Variants in DEFB4A observed in about 807,000 individuals in gnomAD.
DEFB4A encodes beta defensin-2.
At position 7,895,307 on chromosome 8, in the gene DEFB4A, G is replaced by C. The variant is rs1315312915; in HGVS notation, c.58+537G>C. Among the ~76,000 whole-genome samples, 2 of 100,580 alleles carry C rather than the reference G, an allele frequency of 2.0e-5. 1 individual carries two copies. The highest frequency in any genetic ancestry group is 8.1e-4 in the East Asian group (2 of 2,456). 66.0% of individuals were successfully genotyped at this position (100,580 alleles called of 152,430 possible). On this transcript the variant is annotated intron_variant, in intron 1 of 1. Transcript: ENST00000302247. ...TTTTCTAAATTTTTATATTTAAAGA[G>C]TAGATACTGCAACCTAGAGAATTCC...
rs1368127392 is a variant in DEFB4A, at chr8:7,896,044, T to G, written c.59-430T>G. Reference sequence around the variant, plus strand: ...TGCATCTTTTTTATCCCATCTCAGATCAAATACTTAACAGACTAAATGATT... The same window carrying G: ...TGCATCTTTTTTATCCCATCTCAGAGCAAATACTTAACAGACTAAATGATT... On this transcript the variant is annotated intron_variant, in intron 1 of 1. Transcript: ENST00000302247. Among the ~76,000 whole-genome samples, 10 of 103,742 alleles carry G rather than the reference T, an allele frequency of 9.6e-5. 3 individuals carry two copies. The highest frequency in any genetic ancestry group is 2.8e-4 in the African/African-American group (8 of 29,028). 68.1% of individuals were successfully genotyped at this position (103,742 alleles called of 152,430 possible). A position where few individuals can be genotyped will look rare whatever the true frequency, so the allele number is the denominator to read the frequency against.
At chr8:7,895,820 AGGG>A (rs1818997531) in intron 1 of DEFB4A, among the ~76,000 whole-genome samples, 1 of 29,662 alleles carries the variant, frequency 3.4e-5, no homozygotes, top group African/African-American at 1.3e-4. Flanking sequence ...GGAGGGAGGG[AGGG>A]AAGGAGGGAA....
chr8:7,896,083 G>C lies in DEFB4A; in HGVS notation c.59-391G>C, dbSNP rs1355581809. Among the ~76,000 whole-genome samples, 8 of 102,384 alleles carry C rather than the reference G, an allele frequency of 7.8e-5. 3 individuals are homozygous for C. The highest frequency in any genetic ancestry group is 2.1e-4 in the African/African-American group (6 of 28,832). 67.2% of individuals were successfully genotyped at this position (102,384 alleles called of 152,430 possible). A position where few individuals can be genotyped will look rare whatever the true frequency, so the allele number is the denominator to read the frequency against. The stretch of plus-strand genomic sequence containing the variant: ...GACTAAATGATTTGAAAAAGCAAAA[G>C]TTTACTGGCTTGTGTGTGTTAAAAT... On this transcript the variant is annotated intron_variant, in intron 1 of 1. Coordinates refer to ENST00000302247, the MANE Select transcript of DEFB4A (RefSeq NM_004942.4).
intron 1 of DEFB4A, among the ~76,000 whole-genome samples, chr8:7,895,757 G>A (rs1818995401): frequency 1.4e-5 from 1 of 70,622 alleles, no homozygotes; most frequent in African/African-American, 5.4e-5. Context: ...ACAGTATAAT[G>A]AAGGAAGGCG....
chr8:7,895,833 AGGAGGGAGGGAG>A (rs1354417161), intron 1 of DEFB4A, among the ~76,000 whole-genome samples: 1 of 27,462 alleles, frequency 3.6e-5, no homozygotes, highest in African/African-American at 1.4e-4. Context: ...GAAGGAGGGA[AGGAGGGAGGGAG>A]GGAGGGAAGG....
rs1423826421 is a variant in DEFB4A at position 7,895,928 on chromosome 8, A to G, written c.59-546A>G. Among the ~76,000 whole-genome samples, 2 of 97,508 alleles carry G rather than the reference A, an allele frequency of 2.1e-5. 1 individual carries two copies. The highest frequency in any genetic ancestry group is 8.5e-4 in the East Asian group (2 of 2,356). The allele number at this position is 97,508 out of a possible 152,430, so 64.0% of individuals were successfully genotyped here. A position where few individuals can be genotyped will look rare whatever the true frequency, so the allele number is the denominator to read the frequency against. ...AAACCAGGACTTAGATATTAGAAAC[A>G]AGCCATTACAAAATTTATTTCTATG... On this transcript the variant is annotated intron_variant, in intron 1 of 1. Coordinates refer to ENST00000302247, the MANE Select transcript of DEFB4A (RefSeq NM_004942.4).
In DEFB4A at chr8:7,895,870, G is replaced by A. The variant is rs1818999307; in HGVS notation, c.59-604G>A. On this transcript the variant is annotated intron_variant, in intron 1 of 1. Coordinates refer to ENST00000302247, the MANE Select transcript of DEFB4A (RefSeq NM_004942.4). ...GGGAGGGAAGGAGGGAAGGAGGGAG[G>A]GAGGGAGGGAAACAAAAAGAAGAAT... Among the ~76,000 whole-genome samples the A allele has an allele frequency of 3.4e-5, 2 of 58,170 alleles. 1 individual carries two copies. Among genetic ancestry groups the A allele is most frequent in the South Asian group, 2.1e-3 (2 of 966 alleles). 38.2% of individuals were successfully genotyped at this position (58,170 alleles called of 152,430 possible). A position where few individuals can be genotyped will look rare whatever the true frequency, so the allele number is the denominator to read the frequency against.
intron 1 of DEFB4A, among the ~76,000 whole-genome samples, chr8:7,895,154 G>A (rs1208752482): frequency 3.0e-5 from 3 of 101,316 alleles, no homozygotes; most frequent in Admixed American, 2.9e-4. Context: ...CCAGTAGTTT[G>A]TAAATATCAT....
intron 1 of DEFB4A, 138 bp downstream of exon 1, chr8:7,894,908 CT>C: frequency 2.0e-6 from 2 of 1,022,432 alleles, no homozygotes; most frequent in Non-Finnish European, 1.5e-6. Context: ...CCCCTCCATC[CT>C]TTTCTCCTGC....
Position 7,896,040 on chromosome 8 carries a change from C to T in DEFB4A, c.59-434C>T, listed in dbSNP as rs1427976762. ...AAGTTGCATCTTTTTTATCCCATCT[C>T]AGATCAAATACTTAACAGACTAAAT... On this transcript the variant is annotated intron_variant, in intron 1 of 1. Coordinates refer to ENST00000302247, the MANE Select transcript of DEFB4A (RefSeq NM_004942.4). 4.8e-5 allele frequency among the ~76,000 whole-genome samples: 5 copies of T among 103,546 alleles called. 1 individual carries two copies. Among genetic ancestry groups the T allele is most frequent in the Non-Finnish European group, 1.1e-4 (5 of 46,982 alleles). The allele number at this position is 103,546 out of a possible 152,430, so 67.9% of individuals were successfully genotyped here.
chr8:7,895,165 C>A (rs1227363475), intron 1 of DEFB4A, among the ~76,000 whole-genome samples: 1 of 101,336 alleles, frequency 9.9e-6, no homozygotes, highest in Non-Finnish European at 2.1e-5. Flanking sequence ...TAAATATCAT[C>A]TCTTCACTGC....
In DEFB4A at chr8:7,895,247, T is replaced by C. The variant is rs1818989561; in HGVS notation, c.58+477T>C. ...ACTTTTTAAATAAAAGGCAGAAATT[T>C]TGATTTTATCTAAAGAAAGTAGTAT... is the stretch of plus-strand genomic sequence containing the variant. On this transcript the variant is annotated intron_variant, in intron 1 of 1. Coordinates refer to ENST00000302247, the MANE Select transcript of DEFB4A (RefSeq NM_004942.4). Among the ~76,000 whole-genome samples the C allele has an allele frequency of 8.8e-5, 9 of 101,920 alleles. 2 individuals are homozygous for C. The South Asian group carries it at 3.2e-3, about 37-fold the overall frequency. 66.9% of individuals were successfully genotyped at this position (101,920 alleles called of 152,430 possible).
Position 7,895,217 on chromosome 8 carries a change from A to G in DEFB4A, c.58+447A>G, listed in dbSNP as rs1449175924. Among the ~76,000 whole-genome samples the G allele has an allele frequency of 4.9e-5, 5 of 101,802 alleles. 2 individuals are homozygous for G. The highest frequency in any genetic ancestry group is 1.5e-4 in the African/African-American group (4 of 26,220). The allele number at this position is 101,802 out of a possible 152,430, so 66.8% of individuals were successfully genotyped here. On this transcript the variant is annotated intron_variant, in intron 1 of 1. Transcript: ENST00000302247. ...GCTGAGACTATGGTTGAAACCTGTT[A>G]GGTGACTTTTTAAATAAAAGGCAGA...
At chr8:7,895,833 AGGAG>A (rs1354417161) in intron 1 of DEFB4A, among the ~76,000 whole-genome samples, 3 of 27,466 alleles carry the variant, frequency 1.1e-4, no homozygotes, top group African/African-American at 4.1e-4. Context: ...GAAGGAGGGA[AGGAG>A]GGAGGGAGGG....
chr8:7,894,751 AT>A lies in DEFB4A; in HGVS notation c.41del (p.Phe14SerfsTer2). ...LYLLFSFLFIFLMPLPGVFGG... is the reference protein window; with the variant it reads ...LYLLFSFLFIXLMPLPGVFGG... ...ATCTCCTCTTCTCGTTCCTCTTCAT[AT>A]TCCTGATGCCTCTTCCAGGTGAGAT... On this transcript the variant is annotated frameshift_variant, in exon 1 of 2. Coordinates refer to ENST00000302247, the MANE Select transcript of DEFB4A (RefSeq NM_004942.4). LOFTEE classifies it low-confidence loss of function (END_TRUNC). The A allele has an allele frequency of 6.2e-7, 1 of 1,612,274 alleles. No homozygotes were observed. Among genetic ancestry groups the A allele is most frequent in the Non-Finnish European group, 8.5e-7 (1 of 1,178,934 alleles).
In DEFB4A at chr8:7,896,494, G is replaced by C. The variant is rs1187934232; in HGVS notation, c.79G>C (p.Asp27His). The C allele has an allele frequency of 6.3e-6, 1 of 158,554 alleles. No individual in the cohort carries two copies. The highest frequency in any genetic ancestry group is 5.8e-5 in the South Asian group (1 of 17,370). 9.8% of individuals were successfully genotyped at this position (158,554 alleles called of 1,614,324 possible). Residue 27 changes from aspartate (D) to histidine (H), a missense_variant, in exon 2 of 2, where the codon GAT becomes CAT. Coordinates refer to ENST00000302247, the MANE Select transcript of DEFB4A (RefSeq NM_004942.4). Reference protein sequence around the residue: ...PLPGVFGGIGDPVTCLKSGAI... With the variant: ...PLPGVFGGIGHPVTCLKSGAI... Reference sequence around the variant, plus strand: ...GTTAGGTGTTTTTGGTGGTATAGGCGATCCTGTTACCTGCCTTAAGAGTGG... The same window carrying C: ...GTTAGGTGTTTTTGGTGGTATAGGCCATCCTGTTACCTGCCTTAAGAGTGG...
chr8:7,895,126 A>G lies in DEFB4A; in HGVS notation c.58+356A>G, dbSNP rs187335993. 1.7e-3 allele frequency among the ~76,000 whole-genome samples: 172 copies of G among 101,590 alleles called. 33 individuals carry two copies. The highest frequency in any genetic ancestry group is 6.3e-3 in the African/African-American group (164 of 26,076). 66.6% of individuals were successfully genotyped at this position (101,590 alleles called of 152,430 possible). A position where few individuals can be genotyped will look rare whatever the true frequency, so the allele number is the denominator to read the frequency against. On this transcript the variant is annotated intron_variant, in intron 1 of 1. Transcript: ENST00000302247. ...CAATGGACAACTCACTCGTTCTTCT[A>G]AGCCAATATGAAGGAGCCCAGTAGT... is the stretch of plus-strand genomic sequence containing the variant.
intron 1 of DEFB4A, among the ~76,000 whole-genome samples, chr8:7,895,938 A>G (rs1474450556): frequency 1.0e-5 from 1 of 99,294 alleles, no homozygotes; most frequent in Admixed American, 9.9e-5. Flanking sequence ...AAGCCATTAC[A>G]AAATTTATTT....
chr8:7,895,782 C>A (rs1423030653), intron 1 of DEFB4A, among the ~76,000 whole-genome samples: 1 of 43,330 alleles, frequency 2.3e-5, no homozygotes, highest in African/African-American at 8.7e-5. Context: ...GGCAGGGAGG[C>A]AGGGAGGCAG....
Sources: allele counts gnomAD v4.1 joint callset (sites outside exome capture counted in the v4.1 genomes callset), GRCh38; gene constraint gnomAD v4.1.1; transcripts MANE v1.5; gene names NCBI Gene and HGNC (gene_info 2026-07-23, HGNC 2026-07-21).